Variants in SEL1L2 observed in about 807,000 individuals in gnomAD.
The protein encoded by SEL1L2 is SEL1L2 adaptor subunit of SYVN1 ubiquitin ligase.
Under a neutral mutation model 98.8 loss-of-function variants are expected in SEL1L2, and 89 were observed. That is an observed-to-expected ratio of 0.90 (90% CI 0.76 to 1.07). The LOEUF is 1.07. SEL1L2 is among the 50% of genes least tolerant of loss of function. The pLI is 0.00. For missense variants in SEL1L2, 788 were observed against 812.0 expected, an observed-to-expected ratio of 0.97 and a Z score of 0.36; for synonymous variants, 262 against 278.5, an observed-to-expected ratio of 0.94 and a Z score of 0.59.
intron 12 of SEL1L2, among the ~76,000 whole-genome samples, chr20:13,871,066 T>C (rs2046170132): frequency 6.6e-6 from 1 of 152,094 alleles, no homozygotes; most frequent in South Asian, 2.1e-4. Flanking sequence ...TCTTAAAGGA[T>C]GTGTAGGAGT....
intron 18 of SEL1L2, among the ~76,000 whole-genome samples, chr20:13,855,870 A>C (rs532084927): frequency 3.5e-4 from 54 of 152,244 alleles, no homozygotes; most frequent in Non-Finnish European, 7.2e-4. Context: ...TTGACTAGGC[A>C]GGTGCACCCC....
chr20:13,925,091 A>G (rs1039191117), intron 3 of SEL1L2, among the ~76,000 whole-genome samples: 1 of 152,126 alleles, frequency 6.6e-6, no homozygotes, highest in Admixed American at 6.5e-5. Flanking sequence ...GTGAGCAGAG[A>G]TTGCACCACT....
At chr20:13,973,232 G>T (rs1299360146) in intron 1 of SEL1L2, 2 of 152,112 alleles carry the variant, frequency 1.3e-5, no homozygotes, top group Non-Finnish European at 1.5e-5. Flanking sequence ...ATTAAAACCT[G>T]TTCTTGTTTC....
chr20:13,889,278 G>T (rs1054534462), intron 5 of SEL1L2, among the ~76,000 whole-genome samples: 1 of 151,656 alleles, frequency 6.6e-6, no homozygotes, highest in Non-Finnish European at 1.5e-5. Flanking sequence ...GAGCCACCAC[G>T]CCTGGCCATT....
intron 1 of SEL1L2, among the ~76,000 whole-genome samples, chr20:13,986,579 T>C (rs941621839): frequency 5.3e-5 from 8 of 152,082 alleles, no homozygotes; most frequent in Non-Finnish European, 1.2e-4. Context: ...AGCACTTCAT[T>C]TTTTTATGGC....
chr20:13,963,205 T>A (rs2050861708), intron 1 of SEL1L2, among the ~76,000 whole-genome samples: 1 of 151,748 alleles, frequency 6.6e-6, no homozygotes, highest in South Asian at 2.1e-4. Flanking sequence ...TAGTGTAGAC[T>A]CACCTCCTTT....
intron 5 of SEL1L2, among the ~76,000 whole-genome samples, chr20:13,905,309 CTT>C (rs34326096): frequency 8.1e-4 from 108 of 132,914 alleles, no homozygotes; most frequent in African/African-American, 2.2e-3. Flanking sequence ...TGTCCTATAA[CTT>C]TTTTTTTTTT....
chr20:13,864,096 C>T (rs758505916), intron 17 of SEL1L2, among the ~76,000 whole-genome samples: 4 of 152,104 alleles, frequency 2.6e-5, no homozygotes, highest in Non-Finnish European at 4.4e-5. Flanking sequence ...AATAAACCCA[C>T]ATTTGTTGTA....
At chr20:13,955,685 A>G (rs2050504050) in intron 2 of SEL1L2, among the ~76,000 whole-genome samples, 1 of 152,216 alleles carries the variant, frequency 6.6e-6, no homozygotes, top group South Asian at 2.1e-4. Context: ...TACTTCCAAA[A>G]TGTGCAAAGA....
chr20:13,945,394 GGT>G (rs1190029553), intron 2 of SEL1L2, among the ~76,000 whole-genome samples: 1 of 151,280 alleles, frequency 6.6e-6, no homozygotes, highest in Non-Finnish European at 1.5e-5. Flanking sequence ...ATATGTGAGG[GGT>G]GTGTGTATGT....
rs146957251 is a variant in SEL1L2 at position 13,920,346 on chromosome 20, G to A, written c.284-1223C>T. ...ATGATAACTTGCCTCGTAGGATGAG[G>A]GCTCAGAATCAGTTTTGCAGAATTC... On this transcript the variant is annotated intron_variant, in intron 3 of 19. Coordinates refer to ENST00000284951, the MANE Select transcript of SEL1L2 (RefSeq NM_025229.2). 4.3e-3 allele frequency among the ~76,000 whole-genome samples: 650 copies of A among 152,120 alleles called. 3 individuals carry two copies. The highest frequency in any genetic ancestry group is 0.015 in the African/African-American group (608 of 41,490).
intron 10 of SEL1L2, among the ~76,000 whole-genome samples, chr20:13,878,596 T>C (rs1455627040): frequency 6.6e-6 from 1 of 152,242 alleles, no homozygotes; most frequent in African/African-American, 2.4e-5. Context: ...GAAGAACTGC[T>C]GGTAGTTATT....
At chr20:13,948,578 C>G (rs985968801) in intron 2 of SEL1L2, among the ~76,000 whole-genome samples, 2 of 152,170 alleles carry the variant, frequency 1.3e-5, no homozygotes, top group African/African-American at 4.8e-5. Context: ...TGGACCTTAC[C>G]TTATTTCATA....
chr20:13,962,581 CA>C (rs2050830719), intron 1 of SEL1L2, among the ~76,000 whole-genome samples: 2 of 152,172 alleles, frequency 1.3e-5, no homozygotes, highest in Non-Finnish European at 2.9e-5. Flanking sequence ...AGTAATAAAT[CA>C]TTGTTGTTTG....
intron 1 of SEL1L2, among the ~76,000 whole-genome samples, chr20:13,984,848 G>A (rs960162872): frequency 1.6e-4 from 24 of 151,750 alleles, no homozygotes; most frequent in Admixed American, 1.5e-3. Context: ...CATATACGGA[G>A]CACAGTGTGA....
At chr20:13,859,220 C>G (rs888732408) in intron 18 of SEL1L2, 42 bp downstream of exon 18, 57 of 1,547,418 alleles carry the variant, frequency 3.7e-5, no homozygotes, top group Non-Finnish European at 4.3e-5. Context: ...TCTTCTCACA[C>G]AGCTGTCATT....
intron 10 of SEL1L2, among the ~76,000 whole-genome samples, chr20:13,881,328 C>G (rs544029155): frequency 2.8e-4 from 42 of 152,278 alleles, no homozygotes; most frequent in African/African-American, 8.9e-4. Flanking sequence ...CTTCTTTTAT[C>G]TCTTGCTCTG....
chr20:13,982,306 T>C (rs373718576), intron 1 of SEL1L2, among the ~76,000 whole-genome samples: 3 of 147,956 alleles, frequency 2.0e-5, no homozygotes, highest in East Asian at 4.0e-4. Flanking sequence ...AGCTCAGGAG[T>C]TCAAGACCAG....
At chr20:13,954,410 T>C (rs1043489310) in intron 2 of SEL1L2, among the ~76,000 whole-genome samples, 1 of 152,118 alleles carries the variant, frequency 6.6e-6, no homozygotes, top group African/African-American at 2.4e-5. Context: ...TAGAGGTGTT[T>C]GCAGACTTTG....
Sources: gnomAD v4.1 joint callset for allele counts (sites outside exome capture counted in the v4.1 genomes callset) on GRCh38, gnomAD v4.1.1 for gene constraint, MANE v1.5 for transcripts, NCBI Gene and HGNC (gene_info 2026-07-23, HGNC 2026-07-21) for gene names.